The following C5orf15 variants were observed in gnomAD, a reference collection of about 807,000 sequenced individuals.
C5orf15 encodes chromosome 5 open reading frame 15, also known as keratinocyte-associated transmembrane protein 2.
Under a neutral mutation model 17.8 loss-of-function variants are expected in C5orf15, and 10 were observed. The observed-to-expected ratio is 0.56, with a 90% CI of 0.35 to 0.95. The LOEUF is 0.95. C5orf15 is among the 40% of genes least tolerant of loss of function. The pLI is 0.02. For missense variants in C5orf15, 319 were observed against 331.7 expected (o/e 0.96, Z 0.30); for synonymous variants, 124 against 131.0 (o/e 0.95, Z 0.36).
intron 2 of C5orf15, among the ~76,000 whole-genome samples, chr5:133,957,194 A>T (rs1752053486): frequency 1.3e-5 from 2 of 152,012 alleles, no homozygotes; most frequent in South Asian, 4.2e-4. Flanking sequence ...GTGAAACACC[A>T]TCTCTACAAA....
At chr5:133,958,509 G>A (rs1192708553) in intron 2 of C5orf15, among the ~76,000 whole-genome samples, 1 of 148,952 alleles carries the variant, frequency 6.7e-6, no homozygotes, top group Non-Finnish European at 1.5e-5. Flanking sequence ...CCTGGGAGGT[G>A]GAGGTTGCAG....
chr5:133,966,079 C>G (rs1439822415), intron 1 of C5orf15, among the ~76,000 whole-genome samples: 3 of 151,772 alleles, frequency 2.0e-5, no homozygotes, highest in Non-Finnish European at 4.4e-5. Flanking sequence ...AAAAACTAGC[C>G]AGGTGTGGTG....
At chr5:133,958,267 T>C (rs866402230) in intron 2 of C5orf15, among the ~76,000 whole-genome samples, 1 of 151,896 alleles carries the variant, frequency 6.6e-6, no homozygotes, top group African/African-American at 2.4e-5. Flanking sequence ...ATGCTCATGA[T>C]TGGTCAGGAC....
At position 133,955,872 on chromosome 5, in the gene C5orf15, C is replaced by A. The variant is rs1580696875; in HGVS notation, c.*987G>T. 2 of 152,116 alleles carry A rather than the reference C, an allele frequency of 1.3e-5. No individual in the cohort carries two copies. Among genetic ancestry groups the A allele is most frequent in the African/African-American group, 4.8e-5 (2 of 41,414 alleles). The allele number at this position is 152,116 out of a possible 1,614,324, so 9.4% of individuals were successfully genotyped here. On this transcript the variant is annotated 3_prime_UTR_variant, in exon 3 of 3. Coordinates refer to ENST00000231512, the MANE Select transcript of C5orf15 (RefSeq NM_020199.3). ...AAATGAATCCCATAGTAAATACTTT[C>A]CAGTTGCCATAAAAAACAAAAACAA...
Position 133,956,893 on chromosome 5 carries a change from G to A in C5orf15, c.764C>T (p.Pro255Leu). Residue 255 changes from proline to leucine, a missense_variant, in exon 3 of 3, where the codon CCT (proline) becomes CTT (leucine). Pro to Leu is a moderately conservative substitution (Grantham distance 98). Transcript: ENST00000231512. ...RLDQNVNEAMPSLKITNDYIF is the reference protein window; with the variant it reads ...RLDQNVNEAMLSLKITNDYIF ...ATAATCATTGGTAATCTTCAAAGAA[G>A]GCATTGCCTCATTAACATTCTGATC... 1 of 1,603,546 alleles carries A rather than the reference G, an allele frequency of 6.2e-7. No individual in the cohort carries two copies. The highest frequency in any genetic ancestry group is 8.5e-7 in the Non-Finnish European group (1 of 1,175,898).
chr5:133,959,404 C>CTTAAAAA (rs1752084810), intron 2 of C5orf15, 90 bp downstream of exon 2: 1 of 121,926 alleles, frequency 8.2e-6, no homozygotes. Flanking sequence ...CTTTTTTTTG[C>CTTAAAAA]AAAAAAAAAA....
Position 133,968,599 on chromosome 5 carries a change from G to C in C5orf15, c.-15C>G, listed in dbSNP as rs750499528. On this transcript the variant is annotated 5_prime_UTR_variant, in exon 1 of 3. Transcript: ENST00000231512. ...GCAGCGGCCATAACGGACTCGGCTGGGAGCCTGCGCTGTTGCTAGGCTCTA... is the reference window on the plus strand; with the variant it reads ...GCAGCGGCCATAACGGACTCGGCTGCGAGCCTGCGCTGTTGCTAGGCTCTA... The C allele has an allele frequency of 6.3e-7, 1 of 1,599,652 alleles. No individual in the cohort carries two copies. The highest frequency in any genetic ancestry group is 1.1e-5 in the South Asian group (1 of 88,662).
intron 1 of C5orf15, among the ~76,000 whole-genome samples, chr5:133,961,502 C>T (rs1266778134): frequency 6.7e-5 from 10 of 148,416 alleles, no homozygotes; most frequent in African/African-American, 2.2e-4. Context: ...GCCGAGATGG[C>T]GCCACTGCAC....
chr5:133,958,641 C>T (rs1752073120), intron 2 of C5orf15, among the ~76,000 whole-genome samples: 1 of 131,386 alleles, frequency 7.6e-6, no homozygotes, highest in South Asian at 2.5e-4. Flanking sequence ...TCATTACATA[C>T]ACCTATATGT....
chr5:133,968,345 T>C (rs773991037), intron 1 of C5orf15, 101 bp downstream of exon 1: 13 of 1,476,468 alleles, frequency 8.8e-6, no homozygotes, highest in Non-Finnish European at 1.1e-5. Flanking sequence ...CGCCGTCTGC[T>C]CCTGACACTT....
At position 133,964,839 on chromosome 5, in the gene C5orf15, C is replaced by T. The variant is rs1298200327; in HGVS notation, c.139+3607G>A. ...TTTTCACCCTCCACTGCTCCTGCCT[C>T]ATCCAAGTAACCATTATCTCACATG... is the stretch of plus-strand genomic sequence containing the variant. On this transcript the variant is annotated intron_variant, in intron 1 of 2. Coordinates refer to ENST00000231512, the MANE Select transcript of C5orf15 (RefSeq NM_020199.3). Among the ~76,000 whole-genome samples the T allele has an allele frequency of 2.0e-5, 3 of 152,190 alleles. No homozygotes were observed. In the South Asian group the frequency reaches 6.2e-4, roughly 32 times the overall value.
At chr5:133,964,988 G>T (rs563454465) in intron 1 of C5orf15, among the ~76,000 whole-genome samples, 70 of 152,184 alleles carry the variant, frequency 4.6e-4, no homozygotes, top group African/African-American at 1.6e-3. Flanking sequence ...CTCTACTTAA[G>T]ACCCTCTAGG....
intron 1 of C5orf15, among the ~76,000 whole-genome samples, chr5:133,965,938 A>G (rs2126878849): frequency 6.7e-6 from 1 of 150,262 alleles, no homozygotes; most frequent in Admixed American, 6.6e-5. Flanking sequence ...CAAACAAACA[A>G]AAAAGGCTGG....
rs371422976 is a variant in C5orf15 at position 133,959,810 on chromosome 5, T to G, written c.350A>C (p.Asp117Ala). The stretch of plus-strand genomic sequence containing the variant: ...CTCTATACTAGGATCTTCATTGTTA[T>G]CAGCTTCCTCTTGAGACAGAGGAGT... ...SPTPLSQEEA[D>A]NNEDPSIEEE... Residue 117 changes from aspartate (D) to alanine (A), a missense_variant, in exon 2 of 3, where the codon GAT (aspartate) becomes GCT (alanine). By Grantham distance (126) the Asp-to-Ala change is moderately radical. Transcript: ENST00000231512. 6.2e-7 allele frequency: 1 copy of G among 1,614,050 alleles called. No individual in the cohort carries two copies. Among genetic ancestry groups the G allele is most frequent in the African/African-American group, 1.3e-5 (1 of 74,930 alleles).
rs949214896 is a variant in C5orf15, at chr5:133,961,161, G to GA, written c.140-1142dup. Among the ~76,000 whole-genome samples the GA allele has an allele frequency of 2.3e-4, 24 of 102,364 alleles. No individual in the cohort carries two copies. In the East Asian group the frequency reaches 5.6e-3, roughly 24 times the overall value. The allele number at this position is 102,364 out of a possible 152,430, so 67.2% of individuals were successfully genotyped here. A position where few individuals can be genotyped will look rare whatever the true frequency, so the allele number is the denominator to read the frequency against. On this transcript the variant is annotated intron_variant, in intron 1 of 2. Coordinates refer to ENST00000231512, the MANE Select transcript of C5orf15 (RefSeq NM_020199.3). Reference sequence around the variant, plus strand: ...CCACAGTTGACATCCATTTTGTGTAGAAAAAAAAAGAAATAGCTGGTGTCA... The same window carrying GA: ...CCACAGTTGACATCCATTTTGTGTAGAAAAAAAAAAGAAATAGCTGGTGTCA...
At chr5:133,966,920 T>C (rs754319723) in intron 1 of C5orf15, among the ~76,000 whole-genome samples, 8 of 152,286 alleles carry the variant, frequency 5.3e-5, no homozygotes, top group Non-Finnish European at 1.0e-4. Flanking sequence ...CTCAGTATAG[T>C]TAGAAAAATA....
chr5:133,960,329 A>G (rs887645767), intron 1 of C5orf15, among the ~76,000 whole-genome samples: 1 of 152,216 alleles, frequency 6.6e-6, no homozygotes, highest in Non-Finnish European at 1.5e-5. Flanking sequence ...CAAAGTTCAC[A>G]TACAGCCCTC....
intron 1 of C5orf15, 41 bp from the exon 2 acceptor site, chr5:133,960,061 T>C: frequency 6.5e-7 from 1 of 1,534,426 alleles, no homozygotes. Flanking sequence ...TCTCCAACTT[T>C]ATCTCCACCA....
rs1220399594 is a variant in C5orf15 at position 133,959,829 on chromosome 5, G to C, written c.331C>G (p.Leu111Val). Residue 111 changes from leucine (L) to valine (V), a missense_variant, in exon 2 of 3, where the codon CTG becomes GTG. Around this residue, in one of 3 missense-constraint regions of C5orf15, gnomAD observed 175 missense variants for 192.4 expected, o/e 0.91. Coordinates refer to ENST00000231512, the MANE Select transcript of C5orf15 (RefSeq NM_020199.3). ...SVVPHPSPTP[L>V]SQEEADNNED... is the part of the protein sequence containing the mutation. ...TTGTTATCAGCTTCCTCTTGAGACA[G>C]AGGAGTAGGCGAGGGATGAGGGACC... is the stretch of plus-strand genomic sequence containing the variant. 3.7e-6 allele frequency: 6 copies of C among 1,614,150 alleles called. No individual in the cohort carries two copies. Among genetic ancestry groups the C allele is most frequent in the Admixed American group, 1.7e-5 (1 of 60,026 alleles).
Sources: allele counts gnomAD v4.1 joint callset (sites outside exome capture counted in the v4.1 genomes callset), GRCh38; gene constraint gnomAD v4.1.1; regional missense constraint gnomAD v4.1.1; transcripts MANE v1.5; gene names NCBI Gene and HGNC (gene_info 2026-07-23, HGNC 2026-07-21).